Variants in COL19A1 observed in about 807,000 individuals in gnomAD.
The protein encoded by COL19A1 is collagen type XIX alpha 1 chain, also known as collagen alpha-1(XIX) chain.
A neutral mutation model predicts 190.2 loss-of-function variants in COL19A1; 159 were observed. The observed-to-expected ratio is 0.84, with a 90% CI of 0.73 to 0.95. The LOEUF is 0.95. Among genes scored for constraint, COL19A1 ranks in the 40% least tolerant of loss-of-function variants. The pLI is 0.00. For synonymous variants in COL19A1, 509 were observed against 458.9 expected (o/e 1.11, Z -1.39); for missense variants, 1,418 against 1,431.9 (o/e 0.99, Z 0.16).
intron 42 of COL19A1, among the ~76,000 whole-genome samples, chr6:70,178,967 G>A (rs1765993468): frequency 6.6e-6 from 1 of 152,150 alleles, no homozygotes; most frequent in Non-Finnish European, 1.5e-5. Context: ...CCTGACCTTA[G>A]GAATGACTTC....
chr6:70,128,204 A>C (rs1270685967), intron 17 of COL19A1, among the ~76,000 whole-genome samples: 1 of 152,230 alleles, frequency 6.6e-6, no homozygotes, highest in Non-Finnish European at 1.5e-5. Context: ...TATGGGTCTA[A>C]AATTCCTAAG....
intron 11 of COL19A1, among the ~76,000 whole-genome samples, chr6:69,965,761 T>C (rs1015003870): frequency 6.6e-6 from 1 of 152,162 alleles, no homozygotes; most frequent in Non-Finnish European, 1.5e-5. Flanking sequence ...TGGTTTATCA[T>C]GTAGACCTAT....
intron 36 of COL19A1, among the ~76,000 whole-genome samples, chr6:70,164,763 T>C (rs1765035062): frequency 6.6e-6 from 1 of 152,170 alleles, no homozygotes; most frequent in Non-Finnish European, 1.5e-5. Flanking sequence ...ACATAATTCT[T>C]TGAAGGACAC....
intron 31 of COL19A1, among the ~76,000 whole-genome samples, chr6:70,152,113 C>T (rs1028153905): frequency 4.0e-5 from 6 of 151,644 alleles, no homozygotes; most frequent in African/African-American, 1.5e-4. Context: ...TATGTATTTG[C>T]ATGTTTCTGC....
chr6:69,911,095 G>A (rs909843485), intron 4 of COL19A1, among the ~76,000 whole-genome samples: 2 of 152,158 alleles, frequency 1.3e-5, no homozygotes, highest in African/African-American at 4.8e-5. Context: ...TCACAAAATA[G>A]CATCAAATAG....
intron 11 of COL19A1, among the ~76,000 whole-genome samples, chr6:69,964,798 A>C (rs537749857): frequency 6.6e-6 from 1 of 152,336 alleles, no homozygotes; most frequent in East Asian, 1.9e-4. Flanking sequence ...GATGATTTAT[A>C]GTCAGATATA....
At chr6:69,931,877 G>A (rs1245976480) in intron 6 of COL19A1, among the ~76,000 whole-genome samples, 1 of 151,836 alleles carries the variant, frequency 6.6e-6, no homozygotes, top group Non-Finnish European at 1.5e-5. Context: ...TTTAAAGTTG[G>A]AGTAGAGATT....
chr6:70,045,632 T>C (rs574800845), intron 14 of COL19A1, among the ~76,000 whole-genome samples: 2 of 152,356 alleles, frequency 1.3e-5, no homozygotes, highest in East Asian at 3.9e-4. Flanking sequence ...GCTGAGCTAC[T>C]TGCAGTTTGC....
At chr6:70,111,456 G>T (rs1337543861) in intron 16 of COL19A1, among the ~76,000 whole-genome samples, 2 of 152,096 alleles carry the variant, frequency 1.3e-5, no homozygotes, top group Non-Finnish European at 2.9e-5. Flanking sequence ...AGCAAATATC[G>T]CAAAATTGTT....
chr6:70,187,878 G>A (rs919768090), intron 46 of COL19A1, among the ~76,000 whole-genome samples, 197 bp from the exon 47 acceptor site: 16 of 152,014 alleles, frequency 1.1e-4, no homozygotes, highest in Non-Finnish European at 2.9e-5. Context: ...AATTCATTTA[G>A]TTCTGAAAAT....
chr6:69,878,020 T>C (rs1242636496), intron 1 of COL19A1, among the ~76,000 whole-genome samples: 1 of 150,948 alleles, frequency 6.6e-6, no homozygotes, highest in East Asian at 2.0e-4. Flanking sequence ...CCAAAATAAA[T>C]AAATAAATAA....
At chr6:70,151,261 A>T in intron 30 of COL19A1, 136 bp from the exon 31 acceptor site, 1 of 737,306 alleles carries the variant, frequency 1.4e-6, no homozygotes, top group Non-Finnish European at 2.2e-6. Context: ...ACATAATGTT[A>T]AGCCAGTGAT....
intron 9 of COL19A1, among the ~76,000 whole-genome samples, chr6:69,957,030 C>A (rs1423409061): frequency 6.6e-6 from 1 of 151,852 alleles, no homozygotes; most frequent in Non-Finnish European, 1.5e-5. Flanking sequence ...TTTTTTGTTT[C>A]CCTGCTTGCT....
intron 14 of COL19A1, among the ~76,000 whole-genome samples, chr6:70,037,151 AATTTT>A (rs1314527965): frequency 6.6e-6 from 1 of 151,858 alleles, no homozygotes; most frequent in Non-Finnish European, 1.5e-5. Context: ...TACTTTGTAG[AATTTT>A]ATTTTATTTT....
chr6:69,938,074 G>A lies in COL19A1; in HGVS notation c.910G>A (p.Gly304Arg). 1 of 1,612,636 alleles carries A rather than the reference G, an allele frequency of 6.2e-7. No homozygotes were observed. The highest frequency in any genetic ancestry group is 8.5e-7 in the Non-Finnish European group (1 of 1,179,128). The change falls in exon 9 of 51, where the codon GGG becomes AGG. Residue 304 changes from glycine (G) to arginine (R), a missense_variant. Transcript: ENST00000620364. ...AGLPGAPGSPGQKGHKGEPGE... is the reference protein window; with the variant it reads ...AGLPGAPGSPRQKGHKGEPGE... ...ATTACCAGGAGCTCCGGGTTCACCTGGGCAGAAAGGGCATAAAGGAGAGCC... is the reference window on the plus strand; with the variant it reads ...ATTACCAGGAGCTCCGGGTTCACCTAGGCAGAAAGGGCATAAAGGAGAGCC...
chr6:70,141,614 A>T (rs1786253987), intron 20 of COL19A1, among the ~76,000 whole-genome samples: 1 of 152,098 alleles, frequency 6.6e-6, no homozygotes, highest in Non-Finnish European at 1.5e-5. Flanking sequence ...TATGTCAGCT[A>T]AGTAGAGAAT....
At chr6:69,950,397 C>G (rs902865824) in intron 9 of COL19A1, among the ~76,000 whole-genome samples, 1 of 151,758 alleles carries the variant, frequency 6.6e-6, no homozygotes, top group Non-Finnish European at 1.5e-5. Flanking sequence ...AATATTAGTT[C>G]TAATCTAATA....
At chr6:70,027,137 C>T (rs928876168) in intron 12 of COL19A1, among the ~76,000 whole-genome samples, 3 of 152,126 alleles carry the variant, frequency 2.0e-5, no homozygotes, top group African/African-American at 7.2e-5. Flanking sequence ...GGTAAATAAA[C>T]TCAGTGAGCC....
chr6:69,972,857 A>G (rs1406510625), intron 11 of COL19A1, among the ~76,000 whole-genome samples: 2 of 152,150 alleles, frequency 1.3e-5, no homozygotes, highest in African/African-American at 4.8e-5. Flanking sequence ...AGATATTGCA[A>G]TGTCTTTTGA....
Sources: allele counts gnomAD v4.1 joint callset (sites outside exome capture counted in the v4.1 genomes callset), GRCh38; gene constraint gnomAD v4.1.1; transcripts MANE v1.5; gene names NCBI Gene and HGNC (gene_info 2026-07-23, HGNC 2026-07-21).